Variants in RPS6KB1 observed in about 807,000 individuals in gnomAD.
RPS6KB1 encodes ribosomal protein S6 kinase beta-1.
Under a neutral mutation model 70.2 loss-of-function variants are expected in RPS6KB1, and 12 were observed. The ratio of observed to expected loss-of-function variants is 0.17; its 90% CI spans 0.11 to 0.28. The LOEUF (loss-of-function observed/expected upper bound fraction) is 0.28, where lower values mean the gene tolerates loss of function less well. RPS6KB1 is among the 10% of genes least tolerant of loss of function. The probability of loss-of-function intolerance (pLI) is 1.00; values close to 1 mark genes in which losing one functional copy is unlikely to be tolerated. For synonymous variants in RPS6KB1, 175 were observed against 211.2 expected (o/e 0.83, Z 1.49); for missense variants, 270 against 646.6 (o/e 0.42, Z 6.32).
chr17:59,914,772 GGGA>G, intron 4 of RPS6KB1, 69 bp downstream of exon 4: 2 of 1,160,510 alleles, frequency 1.7e-6, no homozygotes, highest in East Asian at 2.4e-5. Context: ...CCAAAAGGCT[GGGA>G]AGCAATCATA....
chr17:59,947,477 G>C lies in RPS6KB1; in HGVS notation c.*689G>C, dbSNP rs923731723. ...TCATTGTTAACCACAGCTGTGGCTC[G>C]TTTGAGGGATTGGGGTGGACCTGGG... On this transcript the variant is annotated 3_prime_UTR_variant, in exon 15 of 15. Coordinates refer to ENST00000225577, the MANE Select transcript of RPS6KB1 (RefSeq NM_003161.4). 2 of 1,416,336 alleles carry C rather than the reference G, an allele frequency of 1.4e-6. No homozygotes were observed. The highest frequency in any genetic ancestry group is 1.9e-6 in the Non-Finnish European group (2 of 1,077,676). 87.7% of individuals were successfully genotyped at this position (1,416,336 alleles called of 1,614,324 possible). A position where few individuals can be genotyped will look rare whatever the true frequency, so the allele number is the denominator to read the frequency against.
chr17:59,934,579 G>T lies in RPS6KB1; in HGVS notation c.870+55G>T. 7.6e-7 allele frequency: 1 copy of T among 1,309,990 alleles called. No individual in the cohort carries two copies. The highest frequency in any genetic ancestry group is 1.1e-6 in the Non-Finnish European group (1 of 908,154). 81.1% of individuals were successfully genotyped at this position (1,309,990 alleles called of 1,614,324 possible). Reference sequence around the variant, plus strand: ...TATTGGTCTGTGCTGAGTCACTATAGCAAGAGACCTGTCCTGTGCTTTCTG... The same window carrying T: ...TATTGGTCTGTGCTGAGTCACTATATCAAGAGACCTGTCCTGTGCTTTCTG... On this transcript the variant is annotated intron_variant, in intron 9 of 14. Coordinates refer to ENST00000225577, the MANE Select transcript of RPS6KB1 (RefSeq NM_003161.4). The surrounding 1 kb of genome is among the most constrained non-coding windows in gnomAD (Gnocchi z 4.8).
chr17:59,910,305 T>C lies in RPS6KB1; in HGVS notation c.142-257T>C, dbSNP rs929519798. ...GGTATGCTATGATCATACCCCTTCA[T>C]AGCTATTGACTGCATTCCAGTCTGG... On this transcript the variant is annotated intron_variant, in intron 1 of 14. Transcript: ENST00000225577. Among the ~76,000 whole-genome samples the C allele has an allele frequency of 1.3e-5, 2 of 152,066 alleles. 1 individual carries two copies. Among genetic ancestry groups the C allele is most frequent in the Non-Finnish European group, 2.9e-5 (2 of 68,018 alleles).
At chr17:59,897,328 A>G (rs1568368019) in intron 1 of RPS6KB1, among the ~76,000 whole-genome samples, 1 of 152,236 alleles carries the variant, frequency 6.6e-6, no homozygotes, top group Non-Finnish European at 1.5e-5. Flanking sequence ...AGTACTCTCA[A>G]AATATCCTGG....
At chr17:59,925,782 C>T (rs1340197287) in intron 4 of RPS6KB1, among the ~76,000 whole-genome samples, 1 of 151,900 alleles carries the variant, frequency 6.6e-6, no homozygotes, top group Non-Finnish European at 1.5e-5. Flanking sequence ...TTTTTTTTAC[C>T]TTCTACATTT....
At chr17:59,940,275 C>CTT (rs559026454) in intron 12 of RPS6KB1, among the ~76,000 whole-genome samples, 13 of 81,490 alleles carry the variant, frequency 1.6e-4, no homozygotes, top group Non-Finnish European at 2.3e-4. Flanking sequence ...GATATATTCA[C>CTT]TTTTTTTTTT....
chr17:59,938,699 TTGTGTGTGTGTGTGTGTGTGTGTGTG>T (rs58751297), intron 12 of RPS6KB1, among the ~76,000 whole-genome samples: 4 of 138,084 alleles, frequency 2.9e-5, no homozygotes, highest in Admixed American at 7.4e-5. Context: ...AATGTGTAGT[TTGTGTGTGTGTGTGTGTGTGTGTGTG>T]TGTGTGTGTG....
At chr17:59,925,938 G>A (rs2043579510) in intron 4 of RPS6KB1, among the ~76,000 whole-genome samples, 1 of 152,086 alleles carries the variant, frequency 6.6e-6, no homozygotes, top group East Asian at 1.9e-4. Flanking sequence ...GAGCCACCAC[G>A]TCCAGGCCAC....
intron 3 of RPS6KB1, among the ~76,000 whole-genome samples, chr17:59,913,279 G>C (rs1028742514): frequency 6.6e-6 from 1 of 152,132 alleles, no homozygotes; most frequent in South Asian, 2.1e-4. Context: ...TTTGCCCAAG[G>C]CTTTACAACT....
chr17:59,949,370 G>C lies in RPS6KB1; in HGVS notation c.*2582G>C, dbSNP rs2045094453. 1 of 152,542 alleles carries C rather than the reference G, an allele frequency of 6.6e-6. No individual in the cohort carries two copies. The highest frequency in any genetic ancestry group is 6.5e-5 in the Admixed American group (1 of 15,272). The allele number at this position is 152,542 out of a possible 1,614,324, so 9.4% of individuals were successfully genotyped here. On this transcript the variant is annotated 3_prime_UTR_variant, in exon 15 of 15. Coordinates refer to ENST00000225577, the MANE Select transcript of RPS6KB1 (RefSeq NM_003161.4). ...ATATGATGTCGATATTACTAGTCTT[G>C]AGTTTCTAAGAGGGTTCTTTATGTT... is the stretch of plus-strand genomic sequence containing the variant.
Position 59,949,766 on chromosome 17 carries a change from T to A in RPS6KB1, c.*2978T>A, listed in dbSNP as rs2045115276. The A allele has an allele frequency of 6.6e-6, 1 of 152,572 alleles. No individual in the cohort carries two copies. Among genetic ancestry groups the A allele is most frequent in the African/African-American group, 2.4e-5 (1 of 41,560 alleles). The allele number at this position is 152,572 out of a possible 1,614,324, so 9.5% of individuals were successfully genotyped here. On this transcript the variant is annotated 3_prime_UTR_variant, in exon 15 of 15. Coordinates refer to ENST00000225577, the MANE Select transcript of RPS6KB1 (RefSeq NM_003161.4). ...TTTGTGGGCAGGGGTGGAGGATGCA[T>A]GTATGATACTCCATAAATTCAACAT...
At chr17:59,943,400 C>T (rs1431220864) in intron 13 of RPS6KB1, among the ~76,000 whole-genome samples, 1 of 152,102 alleles carries the variant, frequency 6.6e-6, no homozygotes, top group African/African-American at 2.4e-5. Context: ...AAAATAGAAG[C>T]ATTTTATTTA....
chr17:59,929,012 G>A (rs185830451), intron 5 of RPS6KB1, among the ~76,000 whole-genome samples: 98 of 152,278 alleles, frequency 6.4e-4, no homozygotes, highest in Admixed American at 2.4e-3. Flanking sequence ...CATGTATAAG[G>A]TGGTGTCTGC....
intron 13 of RPS6KB1, among the ~76,000 whole-genome samples, chr17:59,944,321 G>A (rs1355405971): frequency 6.6e-6 from 1 of 152,228 alleles, no homozygotes; most frequent in East Asian, 1.9e-4. Context: ...ACAGCTGGTA[G>A]CCTAATAGTA....
intron 1 of RPS6KB1, among the ~76,000 whole-genome samples, chr17:59,906,402 G>T (rs1568398811): frequency 6.6e-6 from 1 of 151,960 alleles, no homozygotes; most frequent in Non-Finnish European, 1.5e-5. Context: ...TAGCTTTGTT[G>T]CCCAGGCTGG....
chr17:59,945,167 A>G, intron 13 of RPS6KB1: 1 of 334,010 alleles, frequency 3.0e-6, no homozygotes, highest in Non-Finnish European at 5.5e-6. Flanking sequence ...TCAGTAGGGT[A>G]GAATTTTGTT....
chr17:59,934,348 T>C lies in RPS6KB1; in HGVS notation c.780-86T>C, dbSNP rs2044115310. The C allele has an allele frequency of 2.1e-6, 3 of 1,457,408 alleles. No homozygotes were observed. Among genetic ancestry groups the C allele is most frequent in the Admixed American group, 1.7e-5 (1 of 59,480 alleles). The allele number at this position is 1,457,408 out of a possible 1,614,324, so 90.3% of individuals were successfully genotyped here. ...ATAGTATCTGTTTTCTGTACCCTCA[T>C]TGACTCTGTATATTGTTTTTAAAAT... On this transcript the variant is annotated intron_variant, in intron 8 of 14. Transcript: ENST00000225577. This position sits in a 1 kb window ranked among gnomAD's most constrained non-coding sequence, Gnocchi z 4.8.
chr17:59,930,387 G>A (rs2043863425), intron 6 of RPS6KB1: 1 of 500,152 alleles, frequency 2.0e-6, no homozygotes. Flanking sequence ...CACACCAGTT[G>A]TTCCTAACAG....
intron 1 of RPS6KB1, among the ~76,000 whole-genome samples, chr17:59,906,022 G>A (rs866181803): frequency 5.1e-4 from 77 of 152,108 alleles, no homozygotes; most frequent in African/African-American, 1.8e-3. Context: ...TTTGTGTATA[G>A]TGTGAAGTAG....
Sources: allele counts gnomAD v4.1 joint callset (sites outside exome capture counted in the v4.1 genomes callset), GRCh38; gene constraint gnomAD v4.1.1; non-coding constraint Gnocchi (gnomAD v3.1); transcripts MANE v1.5; gene names NCBI Gene and HGNC (gene_info 2026-07-23, HGNC 2026-07-21).